The following PSME4 variants were observed in gnomAD, a reference collection of about 807,000 sequenced individuals.
PSME4 encodes proteasome activator complex subunit 4.
Under a neutral mutation model 253.9 loss-of-function variants are expected in PSME4, and 89 were observed. The observed-to-expected ratio is 0.35, with a 90% confidence interval of 0.30 to 0.42. The LOEUF is 0.42. Among genes scored for constraint, PSME4 ranks in the 10% least tolerant of loss-of-function variants. PSME4 has a pLI of 1.00. For synonymous variants in PSME4, 851 were observed against 759.2 expected, an observed-to-expected ratio of 1.12 and a Z score of -1.99; for missense variants, 2,014 against 2,195.2, an observed-to-expected ratio of 0.92 and a Z score of 1.65.
chr2:53,901,910 T>C (rs1680417084), intron 27 of PSME4, among the ~76,000 whole-genome samples: 1 of 151,872 alleles, frequency 6.6e-6, no homozygotes, highest in African/African-American at 2.4e-5. Flanking sequence ...CTATAAAAAA[T>C]ACAAAAATTA....
intron 1 of PSME4, among the ~76,000 whole-genome samples, chr2:53,960,018 C>T (rs1440332975): frequency 6.6e-6 from 1 of 152,132 alleles, no homozygotes; most frequent in Non-Finnish European, 1.5e-5. Context: ...TGGTCATTGA[C>T]TTTGAAAGTT....
At chr2:53,951,159 C>T (rs368847629) in intron 1 of PSME4, among the ~76,000 whole-genome samples, 7 of 152,022 alleles carry the variant, frequency 4.6e-5, no homozygotes, top group East Asian at 1.9e-4. Context: ...CTCAGCTCAC[C>T]GCAACCTCTG....
At chr2:53,924,754 C>T (rs868289414) in intron 14 of PSME4, among the ~76,000 whole-genome samples, 11 of 152,210 alleles carry the variant, frequency 7.2e-5, no homozygotes, top group Middle Eastern at 3.4e-3. Flanking sequence ...GGTATCTCTC[C>T]TAATGCTATC....
Position 53,920,666 on chromosome 2 carries a change from T to C in PSME4, c.2262+223A>G, listed in dbSNP as rs552496635. ...ATTATATTGAACTATAGACATTAGATAAGGAATATATACGAAGTTGTTTCA... is the reference window on the plus strand; with the variant it reads ...ATTATATTGAACTATAGACATTAGACAAGGAATATATACGAAGTTGTTTCA... On this transcript the variant is annotated intron_variant, in intron 18 of 46. Transcript: ENST00000404125. 9.9e-5 allele frequency among the ~76,000 whole-genome samples: 15 copies of C among 152,276 alleles called. No homozygotes were observed. The East Asian group carries it at 2.9e-3, about 29-fold the overall frequency.
chr2:53,960,108 A>T (rs1670414488), intron 1 of PSME4, among the ~76,000 whole-genome samples: 2 of 152,168 alleles, frequency 1.3e-5, no homozygotes, highest in Non-Finnish European at 1.5e-5. Context: ...CAGAATTAAG[A>T]GTCATAGGAG....
In PSME4 at chr2:53,970,713, C is replaced by G. The variant is rs754322361; in HGVS notation, c.72G>C (p.Arg24=). The change falls in exon 1 of 47, where the codon CGG becomes CGC. Residue 24 remains arginine (R), a synonymous_variant. Transcript: ENST00000404125. The part of the protein sequence containing the change: ...EPGGRPEPGP[R]GFVPQKEIVY... ...CGATCTCCTTCTGCGGGACGAAGCC[C>G]CGCGGGCCCGGCTCGGGACGCCCGC... 1.0e-5 allele frequency: 16 copies of G among 1,548,526 alleles called. No homozygotes were observed. In the South Asian group the frequency reaches 1.8e-4, roughly 17 times the overall value.
chr2:53,934,232 G>A (rs1195276678), intron 8 of PSME4, among the ~76,000 whole-genome samples: 4 of 152,126 alleles, frequency 2.6e-5, no homozygotes, highest in African/African-American at 9.7e-5. Context: ...TCAATGCAAT[G>A]TTTTATGTGA....
intron 3 of PSME4, chr2:53,942,016 C>T (rs1294166158): frequency 1.3e-5 from 2 of 152,540 alleles, no homozygotes; most frequent in Non-Finnish European, 2.9e-5. Flanking sequence ...TTGATAGAGT[C>T]ACTTCACTTA....
At chr2:53,889,551 C>T (rs1417198998) in intron 37 of PSME4, among the ~76,000 whole-genome samples, 1 of 152,096 alleles carries the variant, frequency 6.6e-6, no homozygotes, top group Non-Finnish European at 1.5e-5. Flanking sequence ...ATATGGAGGG[C>T]TGACTGTACA....
intron 35 of PSME4, 69 bp downstream of exon 35, chr2:53,893,605 T>A (rs1026943836): frequency 1.0e-5 from 16 of 1,571,254 alleles, no homozygotes; most frequent in Non-Finnish European, 1.3e-5. Context: ...CAAATATTTA[T>A]AAGTTATGAA....
At chr2:53,878,339 C>T (rs1409678282) in intron 41 of PSME4, among the ~76,000 whole-genome samples, 4 of 152,150 alleles carry the variant, frequency 2.6e-5, no homozygotes, top group South Asian at 2.1e-4. Context: ...CCATCATCTT[C>T]ATAAGCTGAG....
chr2:53,909,275 T>C (rs1173239060), intron 21 of PSME4, among the ~76,000 whole-genome samples: 10 of 152,282 alleles, frequency 6.6e-5, no homozygotes, highest in Non-Finnish European at 1.3e-4. Context: ...TGTATGTAAC[T>C]TTGGTGTTAA....
At chr2:53,867,316 C>T (rs1262912725) in intron 44 of PSME4, among the ~76,000 whole-genome samples, 1 of 152,042 alleles carries the variant, frequency 6.6e-6, no homozygotes, top group Non-Finnish European at 1.5e-5. Context: ...AACAGCTTGG[C>T]CAACGTGGCG....
At chr2:53,928,384 T>C in intron 10 of PSME4, 81 bp from the exon 11 acceptor site, 1 of 1,124,392 alleles carries the variant, frequency 8.9e-7, no homozygotes, top group Non-Finnish European at 1.2e-6. Context: ...AATAAATTCA[T>C]AAACTGCACT....
intron 44 of PSME4, 30 bp downstream of exon 44, chr2:53,869,346 G>T (rs1242874105): frequency 3.8e-6 from 6 of 1,570,726 alleles, no homozygotes; most frequent in Non-Finnish European, 5.2e-6. Context: ...TTCCCAATAG[G>T]ATACAGGTGT....
In PSME4 at chr2:53,866,228, A is replaced by G. The variant is rs1420909263; in HGVS notation, c.5398-5T>C. 6.2e-7 allele frequency: 1 copy of G among 1,613,812 alleles called. No homozygotes were observed. Among genetic ancestry groups the G allele is most frequent in the East Asian group, 2.2e-5 (1 of 44,864 alleles). ...TAAGGTTTTTTTTACAGTCATCTGT[A>G]AAGTAGACAACCCACATACGTTTTA... is the stretch of plus-strand genomic sequence containing the variant. On this transcript the variant is annotated splice_polypyrimidine_tract_variant and splice_region_variant and intron_variant, in intron 45 of 46. Transcript: ENST00000404125.
intron 27 of PSME4, among the ~76,000 whole-genome samples, chr2:53,903,745 T>C (rs762168999): frequency 1.2e-4 from 18 of 152,186 alleles, no homozygotes; most frequent in Non-Finnish European, 2.1e-4. Flanking sequence ...TTCTTCATCA[T>C]AATACTGATC....
chr2:53,894,215 T>C (rs1489022356), intron 34 of PSME4, among the ~76,000 whole-genome samples: 1 of 152,144 alleles, frequency 6.6e-6, no homozygotes, highest in Non-Finnish European at 1.5e-5. Context: ...AAAGTTACAA[T>C]ACCATTAACT....
At chr2:53,951,884 A>G (rs1670013948) in intron 1 of PSME4, among the ~76,000 whole-genome samples, 1 of 152,166 alleles carries the variant, frequency 6.6e-6, no homozygotes, top group Non-Finnish European at 1.5e-5. Flanking sequence ...ATGGTAACGC[A>G]CGTAGATTAG....
Sources: allele counts gnomAD v4.1 joint callset (sites outside exome capture counted in the v4.1 genomes callset), GRCh38; gene constraint gnomAD v4.1.1; transcripts MANE v1.5; gene names NCBI Gene and HGNC (gene_info 2026-07-23, HGNC 2026-07-21).